The following GON4L variants were observed in gnomAD, a reference collection of about 807,000 sequenced individuals.
GON4L encodes GON-4-like protein.
Under a neutral mutation model 211.8 loss-of-function variants are expected in GON4L, and 87 were observed. The observed-to-expected ratio is 0.41, with a 90% CI of 0.35 to 0.49. The LOEUF (loss-of-function observed/expected upper bound fraction) is 0.49. GON4L is among the 20% of genes least tolerant of loss of function. The pLI, the probability that GON4L is intolerant of heterozygous loss-of-function variation, is 0.15. For synonymous variants in GON4L, 875 were observed against 962.6 expected (o/e 0.91, Z 1.68); for missense variants, 2,155 against 2,659.5 (o/e 0.81, Z 4.17).
downstream of GON4L, among the ~76,000 whole-genome samples, chr1:155,745,434 G>A (rs544970300): frequency 3.2e-4 from 49 of 152,234 alleles, no homozygotes; most frequent in Non-Finnish European, 6.9e-4. Flanking sequence ...TTCTGGCAAG[G>A]TTTCATTTTT....
intron 5 of GON4L, 62 bp from the exon 6 acceptor site, chr1:155,820,718 A>C: frequency 8.1e-7 from 1 of 1,237,848 alleles, no homozygotes; most frequent in Non-Finnish European, 1.2e-6. Context: ...GAGGTGGCTC[A>C]TGCCTATAAT....
At chr1:155,783,848 T>C in intron 14 of GON4L, 138 bp downstream of exon 14, 1 of 1,526,288 alleles carries the variant, frequency 6.6e-7, no homozygotes, top group African/African-American at 1.4e-5. Context: ...GACACCTAAC[T>C]CCTGACAGGG....
upstream of GON4L, among the ~76,000 whole-genome samples, chr1:155,858,141 G>A (rs934747776): frequency 6.6e-6 from 1 of 152,158 alleles, no homozygotes; most frequent in Non-Finnish European, 1.5e-5. Flanking sequence ...TGCCTGGGGT[G>A]TAACAGATGT....
intron 21 of GON4L, chr1:155,764,656 G>A: frequency 1.7e-6 from 1 of 578,144 alleles, no homozygotes; most frequent in Non-Finnish European, 3.1e-6. Context: ...GGCCAGGCCA[G>A]TCTGAAACTC....
chr1:155,749,614 G>C, downstream of GON4L: 1 of 1,415,544 alleles, frequency 7.1e-7, no homozygotes, highest in Non-Finnish European at 9.4e-7. Context: ...GTTCTGGATG[G>C]TTCCCCCAAG....
chr1:155,848,220 C>T (rs1571936573), intron 2 of GON4L, among the ~76,000 whole-genome samples: 1 of 152,174 alleles, frequency 6.6e-6, no homozygotes, highest in Non-Finnish European at 1.5e-5. Context: ...AAGCCAAGAA[C>T]CCCCCTGGGC....
intron 11 of GON4L, among the ~76,000 whole-genome samples, chr1:155,796,776 A>G (rs2102004625): frequency 6.6e-6 from 1 of 152,202 alleles, no homozygotes; most frequent in South Asian, 2.1e-4. Flanking sequence ...TACAGTAGCC[A>G]TTAGCCACAT....
intron 6 of GON4L, among the ~76,000 whole-genome samples, chr1:155,817,849 A>T (rs1386451460): frequency 6.6e-6 from 1 of 151,400 alleles, no homozygotes; most frequent in African/African-American, 2.4e-5. Context: ...CCTTGAGCAC[A>T]GGAAGGAGTT....
chr1:155,805,081 G>A lies in GON4L; in HGVS notation c.1513C>T (p.Pro505Ser). Residue 505 changes from proline (P) to serine (S), a missense_variant, in exon 11 of 32, where the codon CCC becomes TCC. Pro to Ser is a moderately conservative substitution (Grantham distance 74). Coordinates refer to ENST00000368331, the MANE Select transcript of GON4L (RefSeq NM_001282860.2). The stretch of plus-strand genomic sequence containing the variant: ...AGCTCTGCCTCTAATTGGCCCAGGG[G>A]AACATCTTTCAGGGGCATCTTAGAA... ...TRSKMPLKDV[P>S]LGQLEAELQA... 6.2e-7 allele frequency: 1 copy of A among 1,613,386 alleles called. No homozygotes were observed. The highest frequency in any genetic ancestry group is 1.1e-5 in the South Asian group (1 of 91,068).
chr1:155,840,582 G>A (rs571681449), intron 2 of GON4L, among the ~76,000 whole-genome samples: 3 of 152,042 alleles, frequency 2.0e-5, no homozygotes, highest in Non-Finnish European at 4.4e-5. Context: ...GTTCCTTATC[G>A]GGTGCTATTA....
chr1:155,835,027 T>G (rs1285434300), intron 2 of GON4L, among the ~76,000 whole-genome samples: 1 of 152,054 alleles, frequency 6.6e-6, no homozygotes, highest in Non-Finnish European at 1.5e-5. Flanking sequence ...CGGTTTTGTG[T>G]AATACAAAGG....
intron 11 of GON4L, 41 bp downstream of exon 11, chr1:155,804,908 T>C: frequency 7.0e-7 from 1 of 1,424,996 alleles, no homozygotes. Flanking sequence ...TTACAACAGA[T>C]AATGGACAGT....
chr1:155,832,151 T>G (rs1023870248), intron 2 of GON4L, among the ~76,000 whole-genome samples: 3 of 151,338 alleles, frequency 2.0e-5, no homozygotes, highest in Non-Finnish European at 4.4e-5. Context: ...GGCACATGCC[T>G]GTAATCCCAG....
intron 10 of GON4L, among the ~76,000 whole-genome samples, chr1:155,809,077 T>C (rs936603491): frequency 2.1e-4 from 32 of 152,054 alleles, no homozygotes; most frequent in African/African-American, 7.5e-4. Flanking sequence ...CACACCTATA[T>C]AATTTTTCTG....
intron 27 of GON4L, among the ~76,000 whole-genome samples, chr1:155,755,898 G>A (rs572385914): frequency 7.3e-5 from 11 of 150,960 alleles, no homozygotes; most frequent in Non-Finnish European, 1.5e-5. Flanking sequence ...GGTTAAATAC[G>A]TTTCCCAAGG....
chr1:155,823,463 T>C (rs1361656593), intron 3 of GON4L, among the ~76,000 whole-genome samples: 3 of 152,286 alleles, frequency 2.0e-5, no homozygotes, highest in African/African-American at 7.2e-5. Flanking sequence ...TCATATATAA[T>C]GAAGGAATAC....
rs182741770 is a variant in GON4L, at chr1:155,751,941, G to A, written c.6473+19C>T. On this transcript the variant is annotated intron_variant, in intron 30 of 31. Transcript: ENST00000368331. ...GGTCTATGCTCTTTTCCAAACACAC[G>A]TCATCCACCCTTACCTACCTTGTCC... 483 of 1,612,346 alleles carry A rather than the reference G, an allele frequency of 3.0e-4. 3 individuals carry two copies. The highest frequency in any genetic ancestry group is 8.3e-4 in the Admixed American group (50 of 59,990).
intron 14 of GON4L, among the ~76,000 whole-genome samples, chr1:155,778,994 C>T (rs1388600849): frequency 1.3e-5 from 2 of 151,748 alleles, no homozygotes; most frequent in Non-Finnish European, 2.9e-5. Flanking sequence ...TGGCCGGACG[C>T]GGTGGCTCAC....
chr1:155,810,883 G>A (rs1667702184), intron 10 of GON4L, among the ~76,000 whole-genome samples: 1 of 151,950 alleles, frequency 6.6e-6, no homozygotes, highest in African/African-American at 2.4e-5. Context: ...GCGTAGTGGT[G>A]TGTGCCTCTG....
Sources: allele counts gnomAD v4.1 joint callset (sites outside exome capture counted in the v4.1 genomes callset), GRCh38; gene constraint gnomAD v4.1.1; transcripts MANE v1.5; gene names NCBI Gene and HGNC (gene_info 2026-07-23, HGNC 2026-07-21).